The following PHACTR3 variants were observed in gnomAD, a reference collection of about 807,000 sequenced individuals.
PHACTR3 encodes phosphatase and actin regulator 3, also known as protein phosphatase 1, regulatory subunit 123.
In PHACTR3, 16 loss-of-function variants were observed where a neutral mutation model predicts 66.8. The ratio of observed to expected loss-of-function variants is 0.24; its 90% confidence interval spans 0.16 to 0.36. The LOEUF (loss-of-function observed/expected upper bound fraction) is 0.36, where lower values mean the gene tolerates loss of function less well. PHACTR3 is among the 10% of genes least tolerant of loss of function. PHACTR3 has a pLI of 1.00. For synonymous variants in PHACTR3, 323 were observed against 292.1 expected (o/e 1.11, Z -1.08); for missense variants, 647 against 719.9 (o/e 0.90, Z 1.16).
chr20:59,711,269 T>C (rs1249914146), intron 1 of PHACTR3, among the ~76,000 whole-genome samples: 1 of 152,236 alleles, frequency 6.6e-6, no homozygotes, highest in African/African-American at 2.4e-5. Context: ...GCGTAAGGCT[T>C]TGTCTCTATC....
intron 1 of PHACTR3, among the ~76,000 whole-genome samples, chr20:59,721,679 C>A (rs114274795): frequency 6.6e-6 from 1 of 152,126 alleles, no homozygotes; most frequent in East Asian, 1.9e-4. Context: ...GGTGATGAGT[C>A]GGGAGGCTGG....
At chr20:59,817,090 C>A (rs1014170929) in intron 8 of PHACTR3, among the ~76,000 whole-genome samples, 1 of 152,186 alleles carries the variant, frequency 6.6e-6, no homozygotes, top group Non-Finnish European at 1.5e-5. Context: ...GAGTTTAGTT[C>A]AGTACAATAA....
At chr20:59,800,471 A>C (rs58855506) in intron 7 of PHACTR3, among the ~76,000 whole-genome samples, 13,663 of 152,108 alleles carry the variant, frequency 0.09, 1,455 homozygotes, top group African/African-American at 0.25. Flanking sequence ...ATTACTTTGT[A>C]ATTGTTGCTC....
At chr20:59,614,587 G>C (rs1195342232) in intron 1 of PHACTR3, among the ~76,000 whole-genome samples, 1 of 152,200 alleles carries the variant, frequency 6.6e-6, no homozygotes, top group Non-Finnish European at 1.5e-5. Context: ...GACGGGAGCT[G>C]TGGCTATACG....
intron 4 of PHACTR3, among the ~76,000 whole-genome samples, chr20:59,764,339 C>G (rs188998001): frequency 2.6e-5 from 4 of 152,138 alleles, no homozygotes; most frequent in Admixed American, 2.6e-4. Context: ...GGTAATGCTT[C>G]CTTTGGTGGC....
chr20:59,590,803 A>G (rs370275256), intron 1 of PHACTR3, among the ~76,000 whole-genome samples: 7 of 152,172 alleles, frequency 4.6e-5, no homozygotes, highest in Admixed American at 2.6e-4. Flanking sequence ...TTCCTCAGAG[A>G]TGGTTCCTTG....
Position 59,622,896 on chromosome 20 carries a change from AC to A in PHACTR3, c.118+17768del, listed in dbSNP as rs573805391. ...TCTGGGCTTATCCTGTTGGAGCAAA[AC>A]CCCTGGGCTAATATGTAATCCCATT... is the stretch of plus-strand genomic sequence containing the variant. On this transcript the variant is annotated intron_variant, in intron 1 of 12. Transcript: ENST00000371015. Among the ~76,000 whole-genome samples, 1,447 of 148,346 alleles carry A rather than the reference AC, an allele frequency of 9.8e-3. 28 individuals carry two copies. The highest frequency in any genetic ancestry group is 0.034 in the African/African-American group (1,375 of 40,158).
intron 5 of PHACTR3, among the ~76,000 whole-genome samples, chr20:59,772,338 G>A (rs1482531085): frequency 1.3e-5 from 2 of 152,134 alleles, no homozygotes; most frequent in Non-Finnish European, 1.5e-5. Context: ...TTTATTGCCC[G>A]TGTTTTAAGT....
chr20:59,595,359 G>A (rs775379860), intron 1 of PHACTR3, among the ~76,000 whole-genome samples: 6 of 152,182 alleles, frequency 3.9e-5, no homozygotes, highest in South Asian at 4.2e-4. Context: ...CGAATCGGGC[G>A]GTTGAGGCAG....
intron 8 of PHACTR3, among the ~76,000 whole-genome samples, chr20:59,835,277 C>T (rs1225425205): frequency 1.1e-4 from 1 of 9,342 alleles, no homozygotes; most frequent in African/African-American, 1.4e-3. Context: ...CAGGAATTGT[C>T]AGGGGGGGAG....
intron 1 of PHACTR3, among the ~76,000 whole-genome samples, chr20:59,611,372 G>C (rs1310430038): frequency 2.0e-5 from 3 of 152,244 alleles, no homozygotes. Flanking sequence ...ATACAGCAGG[G>C]AGCGGGAGGA....
intron 1 of PHACTR3, among the ~76,000 whole-genome samples, chr20:59,618,338 C>T (rs963620649): frequency 2.6e-5 from 4 of 151,788 alleles, no homozygotes; most frequent in Non-Finnish European, 4.4e-5. Context: ...TGTGTGTGTG[C>T]GTGAGTGTGT....
chr20:59,675,091 TC>T (rs1568698572), intron 1 of PHACTR3, among the ~76,000 whole-genome samples: 18 of 91,226 alleles, frequency 2.0e-4, no homozygotes, highest in African/African-American at 8.2e-4. Context: ...CCCTTCCTAT[TC>T]TTTTCCCTCT....
At position 59,635,164 on chromosome 20, in the gene PHACTR3, TCTTTC is replaced by T. The variant is rs1307356361; in HGVS notation, c.118+30038_118+30042del. Among the ~76,000 whole-genome samples the T allele has an allele frequency of 2.0e-3, 147 of 72,340 alleles. 9 individuals are homozygous for T. The highest frequency in any genetic ancestry group is 2.8e-3 in the Non-Finnish European group (105 of 37,906). The allele number at this position is 72,340 out of a possible 152,430, so 47.5% of individuals were successfully genotyped here. On this transcript the variant is annotated intron_variant, in intron 1 of 12. Transcript: ENST00000371015. ...CTTTCTTTCTTTTTCTTTCTTTCTT[TCTTTC>T]CTTTCTTTCTTTCTTTCTTTCTTTC...
chr20:59,740,848 C>T (rs910245313), intron 1 of PHACTR3, among the ~76,000 whole-genome samples: 3 of 152,208 alleles, frequency 2.0e-5, no homozygotes, highest in Non-Finnish European at 2.9e-5. Flanking sequence ...GGGCCTTGGG[C>T]CCTCGGGTGC....
chr20:59,814,609 C>T (rs973763237), intron 8 of PHACTR3, among the ~76,000 whole-genome samples: 7 of 152,104 alleles, frequency 4.6e-5, no homozygotes, highest in African/African-American at 1.7e-4. Flanking sequence ...GTGTTTTATA[C>T]GGTCCTGTAC....
intron 1 of PHACTR3, among the ~76,000 whole-genome samples, chr20:59,645,277 C>G (rs1031700525): frequency 4.0e-5 from 6 of 150,932 alleles, no homozygotes; most frequent in Admixed American, 6.6e-5. Flanking sequence ...TCATGAGTCC[C>G]CCAAAGGCAG....
chr20:59,847,093 T>C (rs776825740), intron 12 of PHACTR3, 22 bp from the exon 13 acceptor site: 19 of 1,490,376 alleles, frequency 1.3e-5, no homozygotes, highest in South Asian at 1.2e-5. Context: ...CTTAAATTCT[T>C]TGTCTTTTTT....
chr20:59,718,878 G>C (rs376745200), intron 1 of PHACTR3, among the ~76,000 whole-genome samples: 1 of 152,228 alleles, frequency 6.6e-6, no homozygotes, highest in Non-Finnish European at 1.5e-5. Context: ...TGGTTGCGTC[G>C]TTTTGCTTGG....
Sources: allele counts gnomAD v4.1 joint callset (sites outside exome capture counted in the v4.1 genomes callset), GRCh38; gene constraint gnomAD v4.1.1; transcripts MANE v1.5; gene names NCBI Gene and HGNC (gene_info 2026-07-23, HGNC 2026-07-21).